The following KIAA1671 variants were observed in gnomAD, a reference collection of about 807,000 sequenced individuals.
KIAA1671 encodes the protein uncharacterized protein KIAA1671.
A neutral mutation model predicts 131.2 loss-of-function variants in KIAA1671; 52 were observed. The observed-to-expected ratio is 0.40, with a 90% CI of 0.32 to 0.50. The LOEUF is 0.50. Ranked by LOEUF, KIAA1671 falls within the 20% of genes least tolerant of loss-of-function variation. KIAA1671 has a pLI of 0.73. For missense variants in KIAA1671, 2,360 were observed against 2,364.2 expected (o/e 1.00, Z 0.04); for synonymous variants, 1,003 against 961.6 (o/e 1.04, Z -0.80).
intron 3 of KIAA1671, among the ~76,000 whole-genome samples, chr22:25,030,248 T>C (rs1441352529): frequency 1.3e-5 from 2 of 152,262 alleles, no homozygotes; most frequent in African/African-American, 2.4e-5. Context: ...TTAATAATGA[T>C]GTTCTAGGCC....
intron 1 of KIAA1671, among the ~76,000 whole-genome samples, chr22:24,997,018 A>C (rs970607906): frequency 1.3e-5 from 2 of 152,154 alleles, no homozygotes; most frequent in Non-Finnish European, 2.9e-5. Context: ...GCATAGAGTC[A>C]CTGTGGGCTC....
At chr22:24,954,881 A>C (rs913222090) in intron 1 of KIAA1671, among the ~76,000 whole-genome samples, 1 of 152,108 alleles carries the variant, frequency 6.6e-6, no homozygotes, top group Admixed American at 6.5e-5. Context: ...CCCGGGTTCA[A>C]GCAATTCTCC....
intron 1 of KIAA1671, among the ~76,000 whole-genome samples, chr22:24,958,379 G>A (rs1179917747): frequency 6.6e-6 from 1 of 152,102 alleles, no homozygotes; most frequent in Non-Finnish European, 1.5e-5. Flanking sequence ...ACCGGGTGAG[G>A]TGGCTCACGC....
At chr22:25,178,850 C>T (rs533465746) in intron 9 of KIAA1671, among the ~76,000 whole-genome samples, 1 of 152,302 alleles carries the variant, frequency 6.6e-6, no homozygotes, top group African/African-American at 2.4e-5. Context: ...CCGCCTCCCC[C>T]GTTGCCCCTC....
intron 6 of KIAA1671, among the ~76,000 whole-genome samples, chr22:25,089,514 TC>T (rs1929915178): frequency 6.6e-6 from 1 of 152,014 alleles, no homozygotes; most frequent in East Asian, 1.9e-4. Flanking sequence ...CCTCAGGTGA[TC>T]CACCCGCCTC....
chr22:24,985,748 ATGTGTGTG>A (rs59858869), intron 1 of KIAA1671, among the ~76,000 whole-genome samples: 2 of 138,284 alleles, frequency 1.4e-5, no homozygotes, highest in Non-Finnish European at 3.2e-5. Flanking sequence ...GTGTGTGTGT[ATGTGTGTG>A]TGTGTGTGTG....
At chr22:25,081,768 A>G (rs900047959) in intron 6 of KIAA1671, among the ~76,000 whole-genome samples, 1 of 152,180 alleles carries the variant, frequency 6.6e-6, no homozygotes, top group Admixed American at 6.5e-5. Context: ...AAGGTTGCAC[A>G]GAGCCTCTGG....
At chr22:25,178,035 C>G (rs187622361) in intron 9 of KIAA1671, among the ~76,000 whole-genome samples, 2 of 152,308 alleles carry the variant, frequency 1.3e-5, no homozygotes, top group East Asian at 3.9e-4. Flanking sequence ...GCTGAGGGCC[C>G]TGGCTCTGGG....
intron 6 of KIAA1671, among the ~76,000 whole-genome samples, chr22:25,113,287 A>G (rs971167292): frequency 6.6e-6 from 1 of 152,100 alleles, no homozygotes; most frequent in Non-Finnish European, 1.5e-5. Flanking sequence ...CTCCCAGCAG[A>G]TGTTCTCCCC....
At chr22:24,989,462 G>A (rs181479112) in intron 1 of KIAA1671, among the ~76,000 whole-genome samples, 1 of 152,118 alleles carries the variant, frequency 6.6e-6, no homozygotes, top group Non-Finnish European at 1.5e-5. Context: ...TATAACCCTT[G>A]CTCTATCGCC....
At chr22:25,176,989 G>C (rs1354660038) in intron 8 of KIAA1671, 1 of 195,596 alleles carries the variant, frequency 5.1e-6, no homozygotes, top group Non-Finnish European at 1.0e-5. Context: ...AACATTAATT[G>C]AGCTCCTGCT....
intron 6 of KIAA1671, among the ~76,000 whole-genome samples, chr22:25,106,208 G>A (rs944646205): frequency 2.0e-5 from 3 of 152,204 alleles, no homozygotes; most frequent in Non-Finnish European, 4.4e-5. Flanking sequence ...TTTCAGCTGA[G>A]CCCCAGCCTC....
intron 6 of KIAA1671, among the ~76,000 whole-genome samples, chr22:25,105,409 A>T (rs1930945602): frequency 6.6e-6 from 1 of 152,220 alleles, no homozygotes; most frequent in African/African-American, 2.4e-5. Context: ...ATTCCCATTT[A>T]CTTCCTGGAT....
chr22:25,136,844 A>T (rs1405334657), intron 6 of KIAA1671, among the ~76,000 whole-genome samples: 2 of 152,104 alleles, frequency 1.3e-5, no homozygotes, highest in Non-Finnish European at 2.9e-5. Flanking sequence ...CCAAAGAGAA[A>T]CTTTTCCCTA....
At chr22:25,102,727 G>C (rs1930754924) in intron 6 of KIAA1671, 1 of 152,500 alleles carries the variant, frequency 6.6e-6, no homozygotes, top group South Asian at 2.1e-4. Context: ...AGAGGTGTAA[G>C]CCACTGCGCC....
At chr22:25,097,992 C>T (rs1930470981) in intron 6 of KIAA1671, among the ~76,000 whole-genome samples, 1 of 152,150 alleles carries the variant, frequency 6.6e-6, no homozygotes, top group Non-Finnish European at 1.5e-5. Context: ...AACATCCCAC[C>T]AAGGAGGAGG....
intron 10 of KIAA1671, among the ~76,000 whole-genome samples, chr22:25,184,274 A>T (rs1170920042): frequency 6.6e-6 from 1 of 152,232 alleles, no homozygotes; most frequent in Non-Finnish European, 1.5e-5. Context: ...AAATGGGGAA[A>T]GCCAGGATCT....
At chr22:24,990,603 C>T (rs1226252920) in intron 1 of KIAA1671, among the ~76,000 whole-genome samples, 2 of 152,280 alleles carry the variant, frequency 1.3e-5, no homozygotes, top group African/African-American at 2.4e-5. Context: ...GAACCACCAC[C>T]TCCAACCCAG....
At chr22:25,025,603 AAC>A (rs1925908794) in intron 1 of KIAA1671, 28 bp from the exon 2 acceptor site, 1 of 152,198 alleles carries the variant, frequency 6.6e-6, no homozygotes, top group Non-Finnish European at 1.5e-5. Flanking sequence ...AGAACTCCGG[AAC>A]TGAGGCTGTC....
Sources: allele counts gnomAD v4.1 joint callset (sites outside exome capture counted in the v4.1 genomes callset), GRCh38; gene constraint gnomAD v4.1.1; transcripts MANE v1.5; gene names NCBI Gene and HGNC (gene_info 2026-07-23, HGNC 2026-07-21).